The following ROCK1 variants were observed in gnomAD, a reference collection of about 807,000 sequenced individuals.
ROCK1 encodes the protein rho-associated protein kinase 1.
Under a neutral mutation model 196.8 loss-of-function variants are expected in ROCK1, and 36 were observed. That is an observed-to-expected ratio of 0.18 (90% CI 0.14 to 0.24). The LOEUF (loss-of-function observed/expected upper bound fraction) is 0.24. ROCK1 is among the 10% of genes least tolerant of loss of function. The pLI is 1.00. For missense variants in ROCK1, 920 were observed against 1,562.0 expected, an observed-to-expected ratio of 0.59 and a Z score of 6.93; for synonymous variants, 443 against 515.9, an observed-to-expected ratio of 0.86 and a Z score of 1.91.
intron 9 of ROCK1, among the ~76,000 whole-genome samples, chr18:21,031,420 T>C (rs2036005123): frequency 6.6e-6 from 1 of 151,680 alleles, no homozygotes; most frequent in Non-Finnish European, 1.5e-5. Context: ...CTGGCTAACA[T>C]GGTGAAACCC....
rs1419121712 is a variant in ROCK1, at chr18:21,111,534, C to G, written c.-624G>C. 2.8e-5 allele frequency: 5 copies of G among 176,850 alleles called. No homozygotes were observed. Among genetic ancestry groups the G allele is most frequent in the Non-Finnish European group, 5.9e-5 (5 of 85,090 alleles). The allele number at this position is 176,850 out of a possible 1,614,324, so 11.0% of individuals were successfully genotyped here. On this transcript the variant is annotated 5_prime_UTR_variant, in exon 1 of 33. Transcript: ENST00000399799. This position sits in a 1 kb window ranked among gnomAD's most constrained non-coding sequence, Gnocchi z 4.2. ...ACAGCCTCACTCTCCCATTTTGTCC[C>G]GTCGCTGCTGGGGCTGCTGCTACGG...
chr18:21,064,564 T>A (rs2036318214), intron 2 of ROCK1, among the ~76,000 whole-genome samples: 1 of 152,204 alleles, frequency 6.6e-6, no homozygotes, highest in Admixed American at 6.6e-5. Flanking sequence ...AAATTATCCT[T>A]TTCTCACACA....
In ROCK1 at chr18:20,980,717, G is replaced by A. The variant is rs1161170254; in HGVS notation, c.2560-713C>T. Among the ~76,000 whole-genome samples, 6 of 151,234 alleles carry A rather than the reference G, an allele frequency of 4.0e-5. No individual in the cohort carries two copies. In the East Asian group the frequency reaches 7.9e-4, roughly 20 times the overall value. On this transcript the variant is annotated intron_variant, in intron 21 of 32. Coordinates refer to ENST00000399799, the MANE Select transcript of ROCK1 (RefSeq NM_005406.3). ...AGATCACAAGGTCAGGAGATTGAGA[G>A]CATCCTGGCTAACACAGTGAAACCT... is the stretch of plus-strand genomic sequence containing the variant.
intron 28 of ROCK1, 67 bp from the exon 29 acceptor site, chr18:20,959,995 A>G: frequency 9.2e-7 from 1 of 1,089,654 alleles, no homozygotes; most frequent in Non-Finnish European, 1.4e-6. Context: ...TGATAAGCAT[A>G]ATATTTGCCA....
At chr18:21,040,912 CA>C (rs1481271558) in intron 8 of ROCK1, among the ~76,000 whole-genome samples, 1 of 151,986 alleles carries the variant, frequency 6.6e-6, no homozygotes, top group Non-Finnish European at 1.5e-5. Flanking sequence ...ATCATGAGGT[CA>C]GGAGTTCAAG....
chr18:21,015,318 CTCTGT>C (rs2035853688), intron 13 of ROCK1, 108 bp downstream of exon 13: 3 of 738,926 alleles, frequency 4.1e-6, no homozygotes, highest in Admixed American at 2.2e-5. Context: ...CAATTCTCTG[CTCTGT>C]TTTGTGTTTC....
intron 32 of ROCK1, among the ~76,000 whole-genome samples, chr18:20,952,850 A>G (rs1300698955): frequency 6.6e-6 from 1 of 151,996 alleles, no homozygotes; most frequent in Non-Finnish European, 1.5e-5. Flanking sequence ...GGAAACCATC[A>G]TTCTCAGCAA....
At chr18:21,081,897 G>C (rs965998353) in intron 1 of ROCK1, among the ~76,000 whole-genome samples, 2 of 152,090 alleles carry the variant, frequency 1.3e-5, no homozygotes, top group African/African-American at 4.8e-5. Context: ...GAAAATCCCT[G>C]GGCCAGATGG....
intron 1 of ROCK1, among the ~76,000 whole-genome samples, chr18:21,081,190 G>T (rs1174008150): frequency 6.6e-6 from 1 of 152,082 alleles, no homozygotes; most frequent in African/African-American, 2.4e-5. Context: ...ACAATGGAAT[G>T]AAACTACTAA....
intron 28 of ROCK1, 76 bp downstream of exon 28, chr18:20,960,060 A>C: frequency 9.0e-7 from 1 of 1,113,510 alleles, no homozygotes. Flanking sequence ...AAAAAAAAGT[A>C]GCTAATATAA....
At chr18:21,078,505 C>T (rs371898886) in intron 1 of ROCK1, among the ~76,000 whole-genome samples, 1 of 152,032 alleles carries the variant, frequency 6.6e-6, no homozygotes, top group Admixed American at 6.6e-5. Flanking sequence ...CAGGAAAGCC[C>T]GGGGCACCTG....
rs2036755307 is a variant in ROCK1, at chr18:21,111,722, G to A, written c.-812C>T. 1 of 152,980 alleles carries A rather than the reference G, an allele frequency of 6.5e-6. No homozygotes were observed. Among genetic ancestry groups the A allele is most frequent in the Non-Finnish European group, 1.5e-5 (1 of 68,546 alleles). The allele number at this position is 152,980 out of a possible 1,614,324, so 9.5% of individuals were successfully genotyped here. On this transcript the variant is annotated 5_prime_UTR_variant, in exon 1 of 33. Transcript: ENST00000399799. The surrounding 1 kb of genome is among the most constrained non-coding windows in gnomAD (Gnocchi z 4.2). ...AGCCGGGGAAAGGGCGAGTCGCGGC[G>A]GCGAATGCCTGGGGGGTGGGGCGAG...
At chr18:21,052,330 T>C (rs2036210476) in intron 2 of ROCK1, among the ~76,000 whole-genome samples, 1 of 152,188 alleles carries the variant, frequency 6.6e-6, no homozygotes, top group Non-Finnish European at 1.5e-5. Context: ...ATTCTAAGCA[T>C]TGGACTTTAG....
intron 2 of ROCK1, among the ~76,000 whole-genome samples, chr18:21,066,608 T>C (rs1185468516): frequency 2.0e-5 from 3 of 152,204 alleles, no homozygotes; most frequent in African/African-American, 7.2e-5. Flanking sequence ...TTCTAACTCC[T>C]GAAGTTTTAC....
chr18:21,004,185 A>T (rs1271482071), intron 16 of ROCK1, among the ~76,000 whole-genome samples: 1 of 152,202 alleles, frequency 6.6e-6, no homozygotes, highest in African/African-American at 2.4e-5. Context: ...TGTCAAGCTA[A>T]GAATGGTTTT....
In ROCK1 at chr18:20,947,799, A is replaced by G. The variant is rs1041322058; in HGVS notation, c.*3585T>C. The G allele has an allele frequency of 6.6e-6, 1 of 152,080 alleles. No homozygotes were observed. The highest frequency in any genetic ancestry group is 1.5e-5 in the Non-Finnish European group (1 of 68,034). The allele number at this position is 152,080 out of a possible 1,614,324, so 9.4% of individuals were successfully genotyped here. On this transcript the variant is annotated 3_prime_UTR_variant, in exon 33 of 33. Coordinates refer to ENST00000399799, the MANE Select transcript of ROCK1 (RefSeq NM_005406.3). ...GGAGGTCGTATACATCTTTCAGTAGATTGTTTTTAAATTTATATGGGAATG... is the reference window on the plus strand; with the variant it reads ...GGAGGTCGTATACATCTTTCAGTAGGTTGTTTTTAAATTTATATGGGAATG...
rs2035379574 is a variant in ROCK1, at chr18:20,966,962, C to T, written c.3307G>A (p.Val1103Ile). 3 of 1,613,642 alleles carry T rather than the reference C, an allele frequency of 1.9e-6. No homozygotes were observed. The highest frequency in any genetic ancestry group is 2.5e-6 in the Non-Finnish European group (3 of 1,179,706). Reference protein sequence around the residue: ...KLLDLSDSTSVASFPSADETD... With the variant: ...KLLDLSDSTSIASFPSADETD... The stretch of plus-strand genomic sequence containing the variant: ...TCATCAGCACTAGGAAAACTAGCAA[C>T]ACTTGTAGAATCCGAGAGGTCCAAA... Residue 1103 changes from valine to isoleucine, a missense_variant, in exon 27 of 33, where the codon GTT becomes ATT. Val to Ile is a conservative substitution (Grantham distance 29, BLOSUM62 3). Transcript: ENST00000399799.
intron 16 of ROCK1, among the ~76,000 whole-genome samples, chr18:21,000,985 T>C (rs2035718721): frequency 6.6e-6 from 1 of 152,120 alleles, no homozygotes. Context: ...CTATTTACAA[T>C]AGCCAAAAGG....
At chr18:21,089,683 T>C (rs1473062793) in intron 1 of ROCK1, among the ~76,000 whole-genome samples, 1 of 152,192 alleles carries the variant, frequency 6.6e-6, no homozygotes, top group Non-Finnish European at 1.5e-5. Context: ...TTCAGAACAC[T>C]TACATCAGCC....
Sources: gnomAD v4.1 joint callset for allele counts (sites outside exome capture counted in the v4.1 genomes callset) on GRCh38, gnomAD v4.1.1 for gene constraint, Gnocchi (gnomAD v3.1) non-coding constraint, MANE v1.5 for transcripts, NCBI Gene and HGNC (gene_info 2026-07-23, HGNC 2026-07-21) for gene names.